The following PGF variants were observed in gnomAD, a reference collection of about 807,000 sequenced individuals.
The protein encoded by PGF is placental growth factor.
In PGF, 11 loss-of-function variants were observed where a neutral mutation model predicts 25.3. That is an observed-to-expected ratio of 0.43 (90% CI 0.27 to 0.72). The LOEUF (loss-of-function observed/expected upper bound fraction) is 0.72, where lower values mean the gene tolerates loss of function less well. Ranked by LOEUF, PGF falls within the 30% of genes least tolerant of loss-of-function variation. The probability of loss-of-function intolerance (pLI) is 0.18; values close to 1 mark genes in which losing one functional copy is unlikely to be tolerated. For missense variants in PGF, 230 were observed against 234.9 expected, an observed-to-expected ratio of 0.98 and a Z score of 0.14; for synonymous variants, 105 against 97.9, an observed-to-expected ratio of 1.07 and a Z score of -0.43.
At chr14:74,952,226 G>A (rs540007921) in intron 2 of PGF, among the ~76,000 whole-genome samples, 3 of 152,336 alleles carry the variant, frequency 2.0e-5, no homozygotes, top group East Asian at 1.9e-4. Flanking sequence ...AGTTTCTGTG[G>A]AGGGCACTGG....
At chr14:74,946,697 G>C (rs892130937) in intron 4 of PGF, 2 of 683,858 alleles carry the variant, frequency 2.9e-6, no homozygotes, top group Non-Finnish European at 5.4e-6. Flanking sequence ...AAATTTGGTT[G>C]TTTCTGTCTG....
intron 1 of PGF, among the ~76,000 whole-genome samples, chr14:74,954,449 G>T (rs578086469): frequency 1.3e-5 from 2 of 152,196 alleles, no homozygotes; most frequent in South Asian, 4.2e-4. Context: ...ACTCCTCAGG[G>T]ACTGCCCAGC....
At position 74,953,824 on chromosome 14, in the gene PGF, G is replaced by A. The variant is rs1007457024; in HGVS notation, c.118+80C>T. 65 of 1,416,302 alleles carry A rather than the reference G, an allele frequency of 4.6e-5. No individual in the cohort carries two copies. The highest frequency in any genetic ancestry group is 9.1e-5 in the East Asian group (4 of 44,018). The allele number at this position is 1,416,302 out of a possible 1,614,324, so 87.7% of individuals were successfully genotyped here. A position where few individuals can be genotyped will look rare whatever the true frequency, so the allele number is the denominator to read the frequency against. On this transcript the variant is annotated intron_variant, in intron 2 of 6. Transcript: ENST00000555567. This position sits in a 1 kb window ranked among gnomAD's most constrained non-coding sequence, Gnocchi z 5.4. ...CCAGCTTTTATCAACCTGCACCCAC[G>A]CTTCATGCCACACCTGGGCTTGGGA...
chr14:74,953,686 C>T lies in PGF; in HGVS notation c.118+218G>A, dbSNP rs1566859915. Among the ~76,000 whole-genome samples, 1 of 152,214 alleles carries T rather than the reference C, an allele frequency of 6.6e-6. No individual in the cohort carries two copies. Among genetic ancestry groups the T allele is most frequent in the Non-Finnish European group, 1.5e-5 (1 of 68,032 alleles). On this transcript the variant is annotated intron_variant, in intron 2 of 6. Coordinates refer to ENST00000555567, the MANE Select transcript of PGF (RefSeq NM_002632.6). This position sits in a 1 kb window ranked among gnomAD's most constrained non-coding sequence, Gnocchi z 5.4. The stretch of plus-strand genomic sequence containing the variant: ...TGGCTATACTGGCCCCAGCCCCACT[C>T]TCCGTGTGCTGGTGACTCCAGCCCA...
chr14:74,946,515 C>T, intron 4 of PGF, 107 bp from the exon 5 acceptor site: 1 of 1,100,386 alleles, frequency 9.1e-7, no homozygotes, highest in East Asian at 2.5e-5. Context: ...CCTGGTCCTG[C>T]AGCTGACACT....
chr14:74,946,360 C>T lies in PGF; in HGVS notation c.422+19G>A. On this transcript the variant is annotated intron_variant, in intron 5 of 6. Coordinates refer to ENST00000555567, the MANE Select transcript of PGF (RefSeq NM_002632.6). ...TGGCAGGCCCGAGAATAGCCCCGAG[C>T]CCCAGCCAAACCACTTACCTTTCCG... 6.2e-7 allele frequency: 1 copy of T among 1,613,358 alleles called. No homozygotes were observed. Among genetic ancestry groups the T allele is most frequent in the South Asian group, 1.1e-5 (1 of 91,008 alleles).
At chr14:74,946,619 G>A (rs1345105850) in intron 4 of PGF, 2 of 634,734 alleles carry the variant, frequency 3.2e-6, no homozygotes, top group Non-Finnish European at 2.9e-6. Context: ...ACCCCACCAC[G>A]AGAGGGACAA....
intron 6 of PGF, 35 bp from the exon 7 acceptor site, chr14:74,942,768 A>G: frequency 6.3e-7 from 1 of 1,599,772 alleles, no homozygotes; most frequent in South Asian, 1.1e-5. Flanking sequence ...GGCGGGTATC[A>G]GCACACTGTG....
At chr14:74,943,910 A>AT (rs1011174418) in intron 6 of PGF, among the ~76,000 whole-genome samples, 42 of 152,200 alleles carry the variant, frequency 2.8e-4, no homozygotes, top group African/African-American at 9.6e-4. Context: ...CTCATATATC[A>AT]TTTTTTTGTG....
intron 4 of PGF, 24 bp from the exon 5 acceptor site, chr14:74,946,432 G>A (rs754669923): frequency 2.5e-6 from 4 of 1,593,594 alleles, no homozygotes; most frequent in South Asian, 2.3e-5. Context: ...CAGAGAGAGG[G>A]GCAGAGGAAC....
At chr14:74,949,595 T>G (rs1888827945) in intron 2 of PGF, 42 bp from the exon 3 acceptor site, 1 of 1,447,518 alleles carries the variant, frequency 6.9e-7, no homozygotes. Flanking sequence ...AGCAGAGACC[T>G]GCCCCTTGAA....
In PGF at chr14:74,953,929, A is replaced by G; in HGVS notation, c.93T>C (p.Ala31=). The G allele has an allele frequency of 6.2e-7, 1 of 1,614,002 alleles. No homozygotes were observed. Among genetic ancestry groups the G allele is most frequent in the Non-Finnish European group, 8.5e-7 (1 of 1,180,006 alleles). The change falls in exon 2 of 7, where the codon GCT becomes GCC. Residue 31 remains alanine (A), a synonymous_variant. Transcript: ENST00000555567. This position sits in a 1 kb window ranked among gnomAD's most constrained non-coding sequence, Gnocchi z 5.4. Reference sequence around the variant, plus strand: ...CTTCCACCTCTGACGAGCCGTTCCCAGCAGACAAGGCCCACTGCTATGGAC... The same window carrying G: ...CTTCCACCTCTGACGAGCCGTTCCCGGCAGACAAGGCCCACTGCTATGGAC... ...AVPPQQWALS[A]GNGSSEVEVV...
At chr14:74,946,128 C>A in intron 6 of PGF, 85 bp downstream of exon 6, 1 of 1,273,890 alleles carries the variant, frequency 7.8e-7, no homozygotes, top group Non-Finnish European at 1.1e-6. Context: ...CCTGCCTCTC[C>A]CCCTCCCCAA....
At chr14:74,952,376 G>C (rs1268199123) in intron 2 of PGF, among the ~76,000 whole-genome samples, 1 of 152,206 alleles carries the variant, frequency 6.6e-6, no homozygotes, top group Admixed American at 6.5e-5. Context: ...CGGAGCTATT[G>C]GGAGCACTTG....
chr14:74,944,095 T>G (rs1177348470), intron 6 of PGF, among the ~76,000 whole-genome samples: 1 of 149,664 alleles, frequency 6.7e-6, no homozygotes, highest in Non-Finnish European at 1.5e-5. Context: ...TTTTTTTTTT[T>G]GCTTGTTAAT....
At position 74,949,526 on chromosome 14, in the gene PGF, C is replaced by T. The variant is rs773380934; in HGVS notation, c.146G>A (p.Arg49His). 32 of 1,588,116 alleles carry T rather than the reference C, an allele frequency of 2.0e-5. No homozygotes were observed. Among genetic ancestry groups the T allele is most frequent in the Admixed American group, 3.5e-5 (2 of 56,906 alleles). Reference protein sequence around the residue: ...EVVPFQEVWGRSYCRALERLV... With the variant: ...EVVPFQEVWGHSYCRALERLV... ...CCTCTCCAGCGCCCGGCAGTAGCTGCGGCCCCACACTTCCTGGAAGGGTAC... is the reference window on the plus strand; with the variant it reads ...CCTCTCCAGCGCCCGGCAGTAGCTGTGGCCCCACACTTCCTGGAAGGGTAC... The change falls in exon 3 of 7, where the codon CGC becomes CAC. Residue 49 changes from arginine to histidine, a missense_variant. Arg to His is a conservative substitution (Grantham distance 29, BLOSUM62 0). Coordinates refer to ENST00000555567, the MANE Select transcript of PGF (RefSeq NM_002632.6).
chr14:74,949,151 G>A (rs566423726), intron 3 of PGF, among the ~76,000 whole-genome samples: 4 of 152,304 alleles, frequency 2.6e-5, no homozygotes, highest in African/African-American at 7.2e-5. Context: ...AGGACTCAGC[G>A]TGAGGCTGAG....
rs187423908 is a variant in PGF, at chr14:74,950,108, C to T, written c.119-555G>A. On this transcript the variant is annotated intron_variant, in intron 2 of 6. Coordinates refer to ENST00000555567, the MANE Select transcript of PGF (RefSeq NM_002632.6). The surrounding 1 kb of genome is among the most constrained non-coding windows in gnomAD (Gnocchi z 4.1). ...GAGTCCAACCAGCGCTCACACTGAG[C>T]CACGGCAGCACCACATTCACTCCCA... Among the ~76,000 whole-genome samples the T allele has an allele frequency of 9.3e-4, 141 of 152,296 alleles. 1 individual carries two copies. In the South Asian group the frequency reaches 1.0e-2, roughly 11 times the overall value.
intron 1 of PGF, chr14:74,954,298 T>C (rs1354224736): frequency 7.4e-6 from 2 of 270,946 alleles, no homozygotes; most frequent in Non-Finnish European, 1.4e-5. Context: ...CCGCCTTGGC[T>C]GGGTGCCAGA....
Sources: allele counts gnomAD v4.1 joint callset (sites outside exome capture counted in the v4.1 genomes callset), GRCh38; gene constraint gnomAD v4.1.1; non-coding constraint Gnocchi (gnomAD v3.1); transcripts MANE v1.5; gene names NCBI Gene and HGNC (gene_info 2026-07-23, HGNC 2026-07-21).